SCARA5: variants seen among roughly 807,000 people sequenced by gnomAD.
SCARA5 encodes scavenger receptor class A, member 5 (putative).
Under a neutral mutation model 46.3 loss-of-function variants are expected in SCARA5, and 45 were observed. The ratio of observed to expected loss-of-function variants is 0.97; its 90% CI spans 0.76 to 1.24. The LOEUF is 1.24. Ranked by LOEUF, SCARA5 falls within the 50% of genes most tolerant of loss-of-function variation. The probability of loss-of-function intolerance (pLI) is 0.00; values close to 1 mark genes in which losing one functional copy is unlikely to be tolerated. For synonymous variants in SCARA5, 333 were observed against 306.5 expected, an observed-to-expected ratio of 1.09 and a Z score of -0.90; for missense variants, 680 against 689.0, an observed-to-expected ratio of 0.99 and a Z score of 0.15.
At chr8:27,876,224 G>A (rs945132052) in intron 8 of SCARA5, among the ~76,000 whole-genome samples, 8 of 152,270 alleles carry the variant, frequency 5.3e-5, no homozygotes, top group Admixed American at 2.6e-4. Context: ...CTTCAATAGC[G>A]GAAGAACTGA....
chr8:27,883,389 C>T (rs369822376), intron 7 of SCARA5, among the ~76,000 whole-genome samples: 26 of 152,314 alleles, frequency 1.7e-4, no homozygotes, highest in South Asian at 1.7e-3. Flanking sequence ...ACATCCTTTT[C>T]ACCATCCTGC....
intron 7 of SCARA5, among the ~76,000 whole-genome samples, chr8:27,900,665 A>T (rs922338167): frequency 3.3e-5 from 5 of 151,972 alleles, no homozygotes; most frequent in Non-Finnish European, 7.4e-5. Flanking sequence ...TGTGGGACTT[A>T]AAAAAAACCT....
chr8:27,897,506 G>A (rs577515303), intron 7 of SCARA5, among the ~76,000 whole-genome samples: 10 of 152,208 alleles, frequency 6.6e-5, no homozygotes, highest in Non-Finnish European at 1.3e-4. Context: ...AGATGATTCC[G>A]TGTTCACCTT....
chr8:27,932,467 T>G (rs535506990), intron 3 of SCARA5, among the ~76,000 whole-genome samples: 3 of 152,234 alleles, frequency 2.0e-5, no homozygotes, highest in Non-Finnish European at 4.4e-5. Flanking sequence ...ACCGGGTGGC[T>G]TAAACAACAA....
At chr8:27,934,026 G>C (rs1219742960) in intron 3 of SCARA5, among the ~76,000 whole-genome samples, 1 of 152,152 alleles carries the variant, frequency 6.6e-6, no homozygotes, top group African/African-American at 2.4e-5. Context: ...ATTTCATTTG[G>C]ATTTATGTGA....
intron 3 of SCARA5, among the ~76,000 whole-genome samples, chr8:27,925,894 A>T (rs894995473): frequency 2.6e-5 from 4 of 152,244 alleles, no homozygotes; most frequent in African/African-American, 9.6e-5. Flanking sequence ...GAGAACCACA[A>T]TGAGATATGA....
At chr8:27,892,259 C>G (rs1055794496) in intron 7 of SCARA5, among the ~76,000 whole-genome samples, 1 of 152,236 alleles carries the variant, frequency 6.6e-6, no homozygotes, top group Non-Finnish European at 1.5e-5. Context: ...TTCCGAGTGA[C>G]CTTCTCATGC....
At chr8:27,901,254 C>T (rs1284434761) in intron 7 of SCARA5, among the ~76,000 whole-genome samples, 1 of 152,140 alleles carries the variant, frequency 6.6e-6, no homozygotes, top group Non-Finnish European at 1.5e-5. Flanking sequence ...AGTTACATCC[C>T]CATCTGCTGG....
Position 27,870,072 on chromosome 8 carries a change from G to T in SCARA5, c.*1862C>A, listed in dbSNP as rs1447506268. ...ACACTTTTTAACATTGTTTTTATTT[G>T]ATGTAAAACAAGACTTATGTTGTCC... On this transcript the variant is annotated 3_prime_UTR_variant, in exon 9 of 9. Coordinates refer to ENST00000354914, the MANE Select transcript of SCARA5 (RefSeq NM_173833.6). 1 of 152,108 alleles carries T rather than the reference G, an allele frequency of 6.6e-6. No homozygotes were observed. The highest frequency in any genetic ancestry group is 2.4e-5 in the African/African-American group (1 of 41,394). The allele number at this position is 152,108 out of a possible 1,614,324, so 9.4% of individuals were successfully genotyped here. A position where few individuals can be genotyped will look rare whatever the true frequency, so the allele number is the denominator to read the frequency against.
chr8:27,885,357 C>T (rs2685382), intron 7 of SCARA5, among the ~76,000 whole-genome samples: 15,407 of 152,222 alleles, frequency 0.1, 979 homozygotes, highest in East Asian at 0.19. Context: ...TCTTCTCCTT[C>T]CCTGGTCCCC....
chr8:27,975,889 GGA>G (rs1314751451), intron 2 of SCARA5, among the ~76,000 whole-genome samples: 3 of 152,180 alleles, frequency 2.0e-5, no homozygotes, highest in Non-Finnish European at 4.4e-5. Context: ...AGCACGGGAA[GGA>G]GAGACAGCCA....
At chr8:27,931,915 A>G (rs943692164) in intron 3 of SCARA5, among the ~76,000 whole-genome samples, 9 of 152,040 alleles carry the variant, frequency 5.9e-5, no homozygotes, top group Non-Finnish European at 1.2e-4. Flanking sequence ...CGGCCTCCCA[A>G]AGTGCTGGGA....
intron 6 of SCARA5, 34 bp from the exon 7 acceptor site, chr8:27,904,868 G>A (rs777922189): frequency 1.3e-6 from 2 of 1,528,674 alleles, no homozygotes; most frequent in African/African-American, 2.7e-5. Context: ...ATTAGAAATG[G>A]AAAGAAATCC....
rs1019781857 is a variant in SCARA5, at chr8:27,870,850, G to C, written c.*1084C>G. On this transcript the variant is annotated 3_prime_UTR_variant, in exon 9 of 9. Coordinates refer to ENST00000354914, the MANE Select transcript of SCARA5 (RefSeq NM_173833.6). ...ACAGATTCACACCTGAAGAGGCTTG[G>C]AAGATGCAAAATCATCACCTCCAAA... 1 of 152,200 alleles carries C rather than the reference G, an allele frequency of 6.6e-6. No homozygotes were observed. The highest frequency in any genetic ancestry group is 1.5e-5 in the Non-Finnish European group (1 of 68,080). 9.4% of individuals were successfully genotyped at this position (152,200 alleles called of 1,614,324 possible). A position where few individuals can be genotyped will look rare whatever the true frequency, so the allele number is the denominator to read the frequency against.
chr8:27,902,275 C>T (rs941753772), intron 7 of SCARA5, among the ~76,000 whole-genome samples: 1 of 152,138 alleles, frequency 6.6e-6, no homozygotes, highest in Non-Finnish European at 1.5e-5. Context: ...TCTTGCTGTA[C>T]AGTCAAGAGG....
At chr8:27,924,901 A>G (rs1807656740) in intron 3 of SCARA5, among the ~76,000 whole-genome samples, 2 of 152,214 alleles carry the variant, frequency 1.3e-5, no homozygotes, top group Admixed American at 1.3e-4. Flanking sequence ...CTACAAAGAG[A>G]ATAAAATACC....
intron 7 of SCARA5, among the ~76,000 whole-genome samples, chr8:27,893,215 C>T (rs939711): frequency 0.2 from 30,351 of 152,112 alleles, 3,447 homozygotes; most frequent in Middle Eastern, 0.32. Context: ...TGGTTCCTGG[C>T]TCCTTAGCAT....
At chr8:27,872,937 G>T (rs1806663329) in intron 8 of SCARA5, among the ~76,000 whole-genome samples, 1 of 152,216 alleles carries the variant, frequency 6.6e-6, no homozygotes, top group Non-Finnish European at 1.5e-5. Context: ...CAAGGGAGGA[G>T]CAGTGCATAT....
At chr8:27,980,964 G>C (rs868811360) in intron 2 of SCARA5, among the ~76,000 whole-genome samples, 1 of 152,148 alleles carries the variant, frequency 6.6e-6, no homozygotes, top group Non-Finnish European at 1.5e-5. Context: ...TTTCCTGGGA[G>C]TCCCTGGGTG....
Sources: allele counts gnomAD v4.1 joint callset (sites outside exome capture counted in the v4.1 genomes callset), GRCh38; gene constraint gnomAD v4.1.1; transcripts MANE v1.5; gene names NCBI Gene and HGNC (gene_info 2026-07-23, HGNC 2026-07-21).